Variants in TNFSF4 observed in about 807,000 individuals in gnomAD.
TNFSF4 encodes the protein TNF superfamily member 4, also known as tumor necrosis factor ligand superfamily member 4.
TNFSF4 carries 4 observed loss-of-function variants against 7.3 expected under a neutral mutation model. The ratio of observed to expected loss-of-function variants is 0.55; its 90% CI spans 0.27 to 1.25. The LOEUF is 1.25. Among genes scored for constraint, TNFSF4 ranks in the 50% most tolerant of loss-of-function variants. The pLI is 0.12. For synonymous variants in TNFSF4, 76 were observed against 83.7 expected, an observed-to-expected ratio of 0.91 and a Z score of 0.50; for missense variants, 181 against 208.8, an observed-to-expected ratio of 0.87 and a Z score of 0.82.
At chr1:173,377,144 C>G in the TNFSF4 span, among the ~76,000 whole-genome samples, 2 of 152,170 alleles carry the variant, frequency 1.3e-5, no homozygotes, top group African/African-American at 4.8e-5. Context: ...AGACCAAGAA[C>G]CCACCGGAAG....
At chr1:173,348,491 C>G in the TNFSF4 span, among the ~76,000 whole-genome samples, 6 of 151,444 alleles carry the variant, frequency 4.0e-5, no homozygotes, top group African/African-American at 1.5e-4. Flanking sequence ...AATACAGTAC[C>G]CATCTCAAAA....
the TNFSF4 span, among the ~76,000 whole-genome samples, chr1:173,379,794 T>C: frequency 6.6e-6 from 1 of 152,312 alleles, no homozygotes; most frequent in Admixed American, 6.5e-5. Flanking sequence ...GGGCTTGTTA[T>C]CAGTGTGGTT....
chr1:173,301,549 C>G, the TNFSF4 span, among the ~76,000 whole-genome samples: 11 of 151,898 alleles, frequency 7.2e-5, no homozygotes, highest in African/African-American at 2.7e-4. Context: ...CAAACACTCT[C>G]TGCCATTGCT....
chr1:173,375,007 C>T, the TNFSF4 span, among the ~76,000 whole-genome samples: 1 of 152,318 alleles, frequency 6.6e-6, no homozygotes. Context: ...TCTTTGGCAG[C>T]AGTGACTCTC....
chr1:173,311,537 A>G, the TNFSF4 span, among the ~76,000 whole-genome samples: 2 of 152,036 alleles, frequency 1.3e-5, no homozygotes, highest in Non-Finnish European at 2.9e-5. Flanking sequence ...GGGCATGACC[A>G]CAGCCCACTA....
chr1:173,235,190 A>C, the TNFSF4 span, among the ~76,000 whole-genome samples: 1 of 152,296 alleles, frequency 6.6e-6, no homozygotes, highest in Middle Eastern at 3.4e-3. Flanking sequence ...TCTCCTTTTG[A>C]TGCAGGATTT....
chr1:173,421,850 A>G, the TNFSF4 span, among the ~76,000 whole-genome samples: 2 of 152,232 alleles, frequency 1.3e-5, no homozygotes, highest in Non-Finnish European at 2.9e-5. Flanking sequence ...ACGCATAAAG[A>G]AAAAAACAAA....
At chr1:173,176,290 C>T in the TNFSF4 span, among the ~76,000 whole-genome samples, 3,743 of 151,962 alleles carry the variant, frequency 0.025, 127 homozygotes, top group African/African-American at 0.073. Flanking sequence ...AAGGGAAGAA[C>T]CTGAACTTAC....
At chr1:173,347,400 G>A in the TNFSF4 span, among the ~76,000 whole-genome samples, 1 of 152,120 alleles carries the variant, frequency 6.6e-6, no homozygotes, top group Admixed American at 6.6e-5. Flanking sequence ...ATTTCTTTTT[G>A]TATTTACCCT....
At chr1:173,219,790 C>T in the TNFSF4 span, among the ~76,000 whole-genome samples, 1 of 152,044 alleles carries the variant, frequency 6.6e-6, no homozygotes, top group Non-Finnish European at 1.5e-5. Context: ...AGTGAACTAA[C>T]CCAGGAATGG....
At chr1:173,290,901 A>G in the TNFSF4 span, among the ~76,000 whole-genome samples, 1 of 152,226 alleles carries the variant, frequency 6.6e-6, no homozygotes, top group Non-Finnish European at 1.5e-5. Flanking sequence ...AGTGCAATAA[A>G]AAAAGAAAGT....
upstream of TNFSF4, among the ~76,000 whole-genome samples, chr1:173,210,514 G>T (rs1248310750): frequency 6.6e-6 from 1 of 152,168 alleles, no homozygotes; most frequent in Non-Finnish European, 1.5e-5. Flanking sequence ...GAAGGAGAGT[G>T]GCTGCTGGAG....
the TNFSF4 span, chr1:173,351,948 C>T: frequency 1.9e-6 from 1 of 530,708 alleles, no homozygotes; most frequent in Non-Finnish European, 3.5e-6. Context: ...AGCCAAATCT[C>T]ACCAGGCAGG....
chr1:173,414,079 C>T, the TNFSF4 span, among the ~76,000 whole-genome samples: 1 of 152,144 alleles, frequency 6.6e-6, no homozygotes, highest in Non-Finnish European at 1.5e-5. Flanking sequence ...CAGTTCTCAT[C>T]GTAAACCCAC....
Position 173,207,257 on chromosome 1 carries a change from G to A in TNFSF4, c.-81C>T. 2 of 1,407,192 alleles carry A rather than the reference G, an allele frequency of 1.4e-6. No homozygotes were observed. The highest frequency in any genetic ancestry group is 2.0e-6 in the Non-Finnish European group (2 of 1,018,194). 87.2% of individuals were successfully genotyped at this position (1,407,192 alleles called of 1,614,324 possible). On this transcript the variant is annotated 5_prime_UTR_variant, in exon 1 of 3. Coordinates refer to ENST00000281834, the MANE Select transcript of TNFSF4 (RefSeq NM_003326.5). The stretch of plus-strand genomic sequence containing the variant: ...AAACTGAAGTTTTCCCCAGAAAGAA[G>A]GAGGTAAAGACAAAACAAAGCCTAT...
the TNFSF4 span, among the ~76,000 whole-genome samples, chr1:173,445,715 T>C: frequency 6.6e-6 from 1 of 152,028 alleles, no homozygotes; most frequent in Non-Finnish European, 1.5e-5. Flanking sequence ...AACCCCGGTC[T>C]ATTGAGCCAG....
At chr1:173,286,707 A>T in the TNFSF4 span, among the ~76,000 whole-genome samples, 2 of 152,188 alleles carry the variant, frequency 1.3e-5, no homozygotes, top group African/African-American at 4.8e-5. Context: ...TAAACAGGAC[A>T]TAAAATGCAC....
chr1:173,396,799 C>T, the TNFSF4 span, among the ~76,000 whole-genome samples: 2 of 152,328 alleles, frequency 1.3e-5, no homozygotes, highest in South Asian at 4.1e-4. Context: ...AAGGCCTGCT[C>T]ATTCACACTG....
At chr1:173,305,481 G>A in the TNFSF4 span, among the ~76,000 whole-genome samples, 1 of 151,954 alleles carries the variant, frequency 6.6e-6, no homozygotes, top group South Asian at 2.1e-4. Context: ...CTTGGCCCAC[G>A]TATAGTTGTT....
Sources: gnomAD v4.1 joint callset for allele counts (sites outside exome capture counted in the v4.1 genomes callset) on GRCh38, gnomAD v4.1.1 for gene constraint, MANE v1.5 for transcripts, NCBI Gene and HGNC (gene_info 2026-07-23, HGNC 2026-07-21) for gene names.